TBXAS1: variants seen among roughly 807,000 people sequenced by gnomAD.
The protein encoded by TBXAS1 is thromboxane-A synthase.
A neutral mutation model predicts 60.7 loss-of-function variants in TBXAS1; 48 were observed. The ratio of observed to expected loss-of-function variants is 0.79; its 90% CI spans 0.63 to 1.01. The LOEUF is 1.01. Ranked by LOEUF, TBXAS1 falls within the 50% of genes least tolerant of loss-of-function variation. TBXAS1 has a pLI of 0.00. For missense variants in TBXAS1, 685 were observed against 686.3 expected, an observed-to-expected ratio of 1.00 and a Z score of 0.02; for synonymous variants, 287 against 269.7, an observed-to-expected ratio of 1.06 and a Z score of -0.63.
At chr7:139,782,997 A>G (rs866718528) in intron 3 of TBXAS1, among the ~76,000 whole-genome samples, 4 of 152,224 alleles carry the variant, frequency 2.6e-5, no homozygotes, top group African/African-American at 9.6e-5. Flanking sequence ...ATCGGTTTCA[A>G]TGATACAGTT....
intron 3 of TBXAS1, among the ~76,000 whole-genome samples, chr7:139,878,459 A>G (rs1802432955): frequency 6.6e-6 from 1 of 152,214 alleles, no homozygotes. Flanking sequence ...AAAGGAAAAA[A>G]GAAAGGTGAT....
At chr7:139,922,357 C>T (rs1274430536) in intron 4 of TBXAS1, among the ~76,000 whole-genome samples, 1 of 152,040 alleles carries the variant, frequency 6.6e-6, no homozygotes, top group Non-Finnish European at 1.5e-5. Context: ...CCACCTTCAC[C>T]TCCCAAAGTG....
At chr7:139,894,555 A>G (rs745821524) in intron 3 of TBXAS1, among the ~76,000 whole-genome samples, 2 of 152,208 alleles carry the variant, frequency 1.3e-5, no homozygotes, top group African/African-American at 2.4e-5. Flanking sequence ...ATACTTGGGA[A>G]ATCTAGCAGA....
In TBXAS1 at chr7:139,936,213, C is replaced by T. The variant is rs773309398; in HGVS notation, c.356C>T (p.Ser119Leu). ...CAGGCGTCGGGTTTGGAGTTCAAGT[C>T]GGTAGCCGACAGCGTTCTGTTTTTA... ...NRMASGLEFKSVADSVLFLRD... is the reference protein window; with the variant it reads ...NRMASGLEFKLVADSVLFLRD... The change falls in exon 5 of 13, where the codon TCG becomes TTG. Residue 119 changes from serine to leucine, a missense_variant. Transcript: ENST00000448866. 68 of 1,614,056 alleles carry T rather than the reference C, an allele frequency of 4.2e-5. No individual in the cohort carries two copies. Among genetic ancestry groups the T allele is most frequent in the Admixed American group, 6.7e-5 (4 of 60,008 alleles).
At chr7:139,979,045 C>T (rs943720713) in intron 9 of TBXAS1, among the ~76,000 whole-genome samples, 2 of 152,160 alleles carry the variant, frequency 1.3e-5, no homozygotes, top group African/African-American at 4.8e-5. Flanking sequence ...GATTTGAATT[C>T]GATCCTCTGG....
At position 139,852,933 on chromosome 7, in the gene TBXAS1, AATAC is replaced by A. The variant is rs1415000007; in HGVS notation, c.90-19300_90-19297del. ...CCTGTGTACCAACCTTGGCTACTCC[AATAC>A]ACACACACACACACACACACACACA... On this transcript the variant is annotated intron_variant, in intron 1 of 12. Transcript: ENST00000448866. The surrounding 1 kb of genome is among the most constrained non-coding windows in gnomAD (Gnocchi z 4.4). Among the ~76,000 whole-genome samples, 22 of 118,208 alleles carry A rather than the reference AATAC, an allele frequency of 1.9e-4. No homozygotes were observed. The highest frequency in any genetic ancestry group is 3.3e-4 in the Non-Finnish European group (19 of 57,306). 77.5% of individuals were successfully genotyped at this position (118,208 alleles called of 152,430 possible). A position where few individuals can be genotyped will look rare whatever the true frequency, so the allele number is the denominator to read the frequency against.
At chr7:139,891,930 T>C (rs1447970009) in intron 3 of TBXAS1, among the ~76,000 whole-genome samples, 2 of 152,216 alleles carry the variant, frequency 1.3e-5, no homozygotes, top group African/African-American at 2.4e-5. Flanking sequence ...GGGGAGTTTA[T>C]ACTCTTTCCC....
intron 4 of TBXAS1, among the ~76,000 whole-genome samples, chr7:139,793,134 G>T (rs940710931): frequency 6.6e-6 from 1 of 152,154 alleles, no homozygotes; most frequent in Non-Finnish European, 1.5e-5. Flanking sequence ...TACTAACTGG[G>T]CCAGGTGCAG....
intron 9 of TBXAS1, among the ~76,000 whole-genome samples, chr7:139,998,024 A>G (rs1358098077): frequency 6.6e-6 from 1 of 152,252 alleles, no homozygotes; most frequent in Non-Finnish European, 1.5e-5. Context: ...AGCTCACCCA[A>G]TGGAGCACCA....
intron 1 of TBXAS1, among the ~76,000 whole-genome samples, chr7:139,846,291 A>G (rs1000629968): frequency 9.9e-5 from 15 of 152,206 alleles, no homozygotes; most frequent in African/African-American, 3.6e-4. Flanking sequence ...CACACTTTCT[A>G]TAATGGCCCA....
intron 2 of TBXAS1, among the ~76,000 whole-genome samples, chr7:139,782,082 A>G (rs969590476): frequency 2.6e-5 from 4 of 151,796 alleles, no homozygotes; most frequent in Non-Finnish European, 5.9e-5. Flanking sequence ...GCCTGAGACA[A>G]TGAGAGGGGT....
At chr7:139,863,288 A>G (rs771576673) in intron 1 of TBXAS1, among the ~76,000 whole-genome samples, 1 of 152,194 alleles carries the variant, frequency 6.6e-6, no homozygotes, top group Non-Finnish European at 1.5e-5. Flanking sequence ...TGCAATGACT[A>G]TGTCTTTGTG....
At chr7:140,002,781 A>G (rs534427262) in intron 9 of TBXAS1, among the ~76,000 whole-genome samples, 28 of 152,202 alleles carry the variant, frequency 1.8e-4, no homozygotes, top group Non-Finnish European at 2.6e-4. Flanking sequence ...TCAGACCAAC[A>G]CTGGGGAGTA....
At chr7:139,954,533 C>T (rs938125393) in intron 6 of TBXAS1, among the ~76,000 whole-genome samples, 5 of 152,164 alleles carry the variant, frequency 3.3e-5, no homozygotes. Flanking sequence ...TCATGTATTC[C>T]TTAATGATAA....
intron 3 of TBXAS1, among the ~76,000 whole-genome samples, chr7:139,891,351 C>A (rs1413634885): frequency 6.6e-6 from 1 of 151,840 alleles, no homozygotes; most frequent in Non-Finnish European, 1.5e-5. Flanking sequence ...CATGTCCCTC[C>A]AATATAGTAT....
At chr7:139,930,684 G>A (rs1347828798) in intron 4 of TBXAS1, among the ~76,000 whole-genome samples, 3 of 151,956 alleles carry the variant, frequency 2.0e-5, no homozygotes, top group African/African-American at 4.8e-5. Context: ...AGAAAGGGGT[G>A]GGGAACTGGC....
At chr7:139,875,803 C>A in intron 3 of TBXAS1, 166 bp downstream of exon 3, 1 of 909,420 alleles carries the variant, frequency 1.1e-6, no homozygotes, top group Non-Finnish European at 1.7e-6. Context: ...GCAGTACAGA[C>A]AAGGCTTCTA....
At chr7:139,899,957 T>C (rs1171129436) in intron 3 of TBXAS1, among the ~76,000 whole-genome samples, 2 of 152,222 alleles carry the variant, frequency 1.3e-5, no homozygotes, top group African/African-American at 4.8e-5. Context: ...TAAGTCTCAG[T>C]TTCTTATTCT....
intron 9 of TBXAS1, among the ~76,000 whole-genome samples, chr7:139,994,972 T>G (rs953176993): frequency 6.6e-6 from 1 of 152,160 alleles, no homozygotes; most frequent in African/African-American, 2.4e-5. Context: ...GGTAAATATT[T>G]GGGCAGAGAT....
Sources: allele counts gnomAD v4.1 joint callset (sites outside exome capture counted in the v4.1 genomes callset), GRCh38; gene constraint gnomAD v4.1.1; non-coding constraint Gnocchi (gnomAD v3.1); transcripts MANE v1.5; gene names NCBI Gene and HGNC (gene_info 2026-07-23, HGNC 2026-07-21).